ZNF208: variants seen among roughly 807,000 people sequenced by gnomAD.
ZNF208 encodes the protein zinc finger protein 208.
ZNF208 carries 10 observed loss-of-function variants against 12.1 expected under a neutral mutation model. That is an observed-to-expected ratio of 0.83 (90% CI 0.51 to 1.40). ZNF208 has a LOEUF of 1.40. Among genes scored for constraint, ZNF208 ranks in the 40% most tolerant of loss-of-function variants. The pLI, the probability that ZNF208 is intolerant of heterozygous loss-of-function variation, is 0.00. For missense variants in ZNF208, 1,652 were observed against 1,485.0 expected (o/e 1.11, Z -1.85); for synonymous variants, 497 against 488.4 (o/e 1.02, Z -0.23).
chr19:22,005,859 T>G (rs1279664224), intron 1 of ZNF208, among the ~76,000 whole-genome samples: 2 of 152,184 alleles, frequency 1.3e-5, no homozygotes, highest in Non-Finnish European at 2.9e-5. Context: ...CCGGGATTAG[T>G]AAAATTCTCT....
At chr19:22,010,750 G>A (rs1476357868) in intron 1 of ZNF208, 42 bp downstream of exon 1, 1 of 1,614,054 alleles carries the variant, frequency 6.2e-7, no homozygotes, top group Non-Finnish European at 8.5e-7. Context: ...GTTCCAAGCA[G>A]CCCGGGCCAC....
Position 21,968,661 on chromosome 19 carries a change from G to T in ZNF208, c.*2530C>A, listed in dbSNP as rs1423018099. 9 of 151,684 alleles carry T rather than the reference G, an allele frequency of 5.9e-5. No individual in the cohort carries two copies. The highest frequency in any genetic ancestry group is 2.2e-4 in the African/African-American group (9 of 41,282). The allele number at this position is 151,684 out of a possible 1,614,324, so 9.4% of individuals were successfully genotyped here. ...ACCTGTACTTTCCTTTTTTTGTGGT[G>T]CCTTCACTAGATTTTAGTTTCATAT... On this transcript the variant is annotated 3_prime_UTR_variant, in exon 4 of 4. Transcript: ENST00000397126.
intron 1 of ZNF208, among the ~76,000 whole-genome samples, chr19:21,990,938 T>A (rs4265943): frequency 0.33 from 50,052 of 152,032 alleles, 9,615 homozygotes; most frequent in East Asian, 0.48. Context: ...ATGCTTGTGA[T>A]TTTTGTACAT....
At chr19:21,950,358 G>A (rs978828962) in intron 4 of ZNF208, among the ~76,000 whole-genome samples, 1 of 151,914 alleles carries the variant, frequency 6.6e-6, no homozygotes, top group Non-Finnish European at 1.5e-5. Context: ...ACCATAAATT[G>A]CATTTTAAAA....
At chr19:21,951,264 A>T (rs1213087904) in intron 4 of ZNF208, among the ~76,000 whole-genome samples, 1 of 152,246 alleles carries the variant, frequency 6.6e-6, no homozygotes, top group African/African-American at 2.4e-5. Context: ...CTCCTAGCAC[A>T]TAATTAAAAC....
At chr19:21,957,818 T>A (rs962410122) in intron 4 of ZNF208, among the ~76,000 whole-genome samples, 12 of 152,114 alleles carry the variant, frequency 7.9e-5, no homozygotes, top group African/African-American at 2.4e-4. Flanking sequence ...TAGCTTTTTT[T>A]TAAATTTTAT....
At chr19:21,963,404 T>C (rs1246130497), downstream of ZNF208, among the ~76,000 whole-genome samples, 1 of 152,070 alleles carries the variant, frequency 6.6e-6, no homozygotes, top group African/African-American at 2.4e-5. Context: ...GTGATATTTA[T>C]AAAAACTTTT....
At chr19:21,964,458 AAT>A (rs148257766), downstream of ZNF208, among the ~76,000 whole-genome samples, 1,179 of 151,850 alleles carry the variant, frequency 7.8e-3, 9 homozygotes, top group African/African-American at 0.026. Flanking sequence ...AAAAAATTTT[AAT>A]ATATATTTTT....
At chr19:21,964,093 A>G (rs1377020289), downstream of ZNF208, among the ~76,000 whole-genome samples, 1 of 151,978 alleles carries the variant, frequency 6.6e-6, no homozygotes, top group East Asian at 1.9e-4. Flanking sequence ...ATCACACTGT[A>G]TGCCATAAAT....
Position 21,973,281 on chromosome 19 carries a change from C to G in ZNF208, c.1753G>C (p.Glu585Gln). The G allele has an allele frequency of 6.2e-7, 1 of 1,611,224 alleles. No individual in the cohort carries two copies. The highest frequency in any genetic ancestry group is 8.5e-7 in the Non-Finnish European group (1 of 1,178,574). The change falls in exon 4 of 4, where the codon GAA becomes CAA. Residue 585 changes from glutamate (E) to glutamine (Q), a missense_variant. Around this residue, in one of 3 missense-constraint regions of ZNF208, gnomAD observed 1,239 missense variants for 1,086.2 expected, o/e 1.14. Transcript: ENST00000397126. Reference sequence around the variant, plus strand: ...GATTGGTTAAAAGCTTTGCCACATTCTTCACATTTGTAGGGTTTCTCTACA... The same window carrying G: ...GATTGGTTAAAAGCTTTGCCACATTGTTCACATTTGTAGGGTTTCTCTACA... ...HTVEKPYKCE[E>Q]CGKAFNQSAI...
At chr19:21,948,337 C>T (rs969544580) in intron 4 of ZNF208, among the ~76,000 whole-genome samples, 1 of 152,146 alleles carries the variant, frequency 6.6e-6, no homozygotes, top group African/African-American at 2.4e-5. Flanking sequence ...TCTTTCTTTG[C>T]CCTGTGAGAC....
intron 4 of ZNF208, among the ~76,000 whole-genome samples, chr19:21,948,596 A>G (rs1490403843): frequency 6.6e-6 from 1 of 152,178 alleles, no homozygotes. Context: ...TGGTGTTACT[A>G]TGATTCAAGT....
At chr19:21,960,769 C>T (rs1970052642) in intron 4 of ZNF208, among the ~76,000 whole-genome samples, 1 of 152,154 alleles carries the variant, frequency 6.6e-6, no homozygotes, top group Admixed American at 6.6e-5. Flanking sequence ...TTGTAAGTTT[C>T]CTGAAGCCTC....
intron 1 of ZNF208, among the ~76,000 whole-genome samples, chr19:22,010,434 C>A (rs1468922908): frequency 1.3e-5 from 2 of 152,184 alleles, no homozygotes; most frequent in Non-Finnish European, 2.9e-5. Flanking sequence ...GGGAGCCTCA[C>A]GGACCAAAGC....
In ZNF208 at chr19:21,968,953, G is replaced by A. The variant is rs1355155292; in HGVS notation, c.*2238C>T. Among the ~76,000 whole-genome samples, 1 of 152,102 alleles carries A rather than the reference G, an allele frequency of 6.6e-6. No homozygotes were observed. Among genetic ancestry groups the A allele is most frequent in the Non-Finnish European group, 1.5e-5 (1 of 68,014 alleles). On this transcript the variant is annotated 3_prime_UTR_variant, in exon 4 of 4. Coordinates refer to ENST00000397126, the MANE Select transcript of ZNF208 (RefSeq NM_007153.3). The stretch of plus-strand genomic sequence containing the variant: ...CAATCCCAGGACTTTGGGTGGCCAA[G>A]GTGGGCATATCATGAGGTCAGGAGA...
At position 21,974,530 on chromosome 19, in the gene ZNF208, A is replaced by T; in HGVS notation, c.504T>A (p.Thr168=). 6.2e-7 allele frequency: 1 copy of T among 1,613,718 alleles called. No individual in the cohort carries two copies. Among genetic ancestry groups the T allele is most frequent in the Non-Finnish European group, 8.5e-7 (1 of 1,179,728 alleles). The change falls in exon 4 of 4, where the codon ACT becomes ACA. Residue 168 remains threonine, a synonymous_variant. Transcript: ENST00000397126. ...SNSNRHKIRH[T]GKKHLQCKEY... is the part of the protein sequence containing the mutation. ...CTTTACATTGCAAATGTTTCTTTCC[A>T]GTATGCCTTATCTTATGTCTGTTTG...
At chr19:21,983,413 A>C (rs981723613) in intron 3 of ZNF208, among the ~76,000 whole-genome samples, 3 of 152,210 alleles carry the variant, frequency 2.0e-5, no homozygotes, top group Non-Finnish European at 2.9e-5. Flanking sequence ...TGGAGTGTAA[A>C]TTAGTTCAGC....
At chr19:21,959,675 A>ATT in intron 4 of ZNF208, among the ~76,000 whole-genome samples, 1 of 152,322 alleles carries the variant, frequency 6.6e-6, no homozygotes, top group Admixed American at 6.5e-5. Context: ...TTGTTTGAAG[A>ATT]TTACACTGCA....
chr19:21,966,025 G>A (rs556697589), downstream of ZNF208: 9 of 151,922 alleles, frequency 5.9e-5, no homozygotes, highest in African/African-American at 2.2e-4. Context: ...CATGCCTTAA[G>A]GGGTGAAAAA....
Sources: allele counts gnomAD v4.1 joint callset (sites outside exome capture counted in the v4.1 genomes callset), GRCh38; gene constraint gnomAD v4.1.1; regional missense constraint gnomAD v4.1.1; transcripts MANE v1.5; gene names NCBI Gene and HGNC (gene_info 2026-07-23, HGNC 2026-07-21).